RSL24D1: variants seen among roughly 807,000 people sequenced by gnomAD.
RSL24D1 encodes the protein probable ribosome biogenesis protein RLP24.
A neutral mutation model predicts 26.2 loss-of-function variants in RSL24D1; 6 were observed. That is an observed-to-expected ratio of 0.23 (90% CI 0.13 to 0.45). RSL24D1 has a LOEUF of 0.45. Among genes scored for constraint, RSL24D1 ranks in the 20% least tolerant of loss-of-function variants. The probability of loss-of-function intolerance (pLI) is 0.99; values close to 1 mark genes in which losing one functional copy is unlikely to be tolerated. For synonymous variants in RSL24D1, 61 were observed against 59.1 expected (o/e 1.03, Z -0.15); for missense variants, 176 against 202.6 (o/e 0.87, Z 0.80).
chr15:55,183,860 G>C (rs115667597), intron 4 of RSL24D1, among the ~76,000 whole-genome samples: 1 of 152,078 alleles, frequency 6.6e-6, no homozygotes, highest in Non-Finnish European at 1.5e-5. Flanking sequence ...CACGAAATGG[G>C]AGCTCAATAC....
rs1894189012 is a variant in RSL24D1 at position 55,183,238 on chromosome 15, T to C, written c.418+77A>G. On this transcript the variant is annotated intron_variant, in intron 5 of 5. Transcript: ENST00000260443. ...AATTTACTATGAAAGATAATATTTA[T>C]AGGAAAAAATACCCAAAGTTAGTTG... is the stretch of plus-strand genomic sequence containing the variant. 4 of 963,834 alleles carry C rather than the reference T, an allele frequency of 4.2e-6. No individual in the cohort carries two copies. The South Asian group carries it at 4.6e-5, about 11-fold the overall frequency. 59.7% of individuals were successfully genotyped at this position (963,834 alleles called of 1,614,324 possible). A position where few individuals can be genotyped will look rare whatever the true frequency, so the allele number is the denominator to read the frequency against.
chr15:55,192,657 T>C lies in RSL24D1; in HGVS notation c.195+63A>G, dbSNP rs761776156. 23 of 1,134,904 alleles carry C rather than the reference T, an allele frequency of 2.0e-5. 1 individual carries two copies. The Admixed American group carries it at 2.0e-4, about 10-fold the overall frequency. 70.3% of individuals were successfully genotyped at this position (1,134,904 alleles called of 1,614,324 possible). A position where few individuals can be genotyped will look rare whatever the true frequency, so the allele number is the denominator to read the frequency against. ...TTGTTATGATTGATTAGATGACATA[T>C]ACCCTTCAAATACTAAAACTGTGAA... On this transcript the variant is annotated intron_variant, in intron 2 of 5. Transcript: ENST00000260443.
At chr15:55,186,471 A>T (rs1595651577) in intron 3 of RSL24D1, among the ~76,000 whole-genome samples, 1 of 152,164 alleles carries the variant, frequency 6.6e-6, no homozygotes, top group Non-Finnish European at 1.5e-5. Context: ...ACACTGAAAA[A>T]ACTCAGCATC....
At chr15:55,196,752 C>T in intron 1 of RSL24D1, 58 bp downstream of exon 1, 1 of 1,567,706 alleles carries the variant, frequency 6.4e-7, no homozygotes, top group Non-Finnish European at 8.8e-7. Context: ...CACCGAGCCG[C>T]CGCGCCCAGG....
In RSL24D1 at chr15:55,192,897, C is replaced by T. The variant is rs1465230009; in HGVS notation, c.82-64G>A. On this transcript the variant is annotated intron_variant, in intron 1 of 5. Transcript: ENST00000260443. The stretch of plus-strand genomic sequence containing the variant: ...AAACTTTTCTATCACAAGACGTTAC[C>T]CCTGCTAGACAAAAAATACTTTCCC... 5 of 996,802 alleles carry T rather than the reference C, an allele frequency of 5.0e-6. No individual in the cohort carries two copies. In the East Asian group the frequency reaches 7.2e-5, roughly 14 times the overall value. The allele number at this position is 996,802 out of a possible 1,614,324, so 61.7% of individuals were successfully genotyped here.
chr15:55,196,683 C>A (rs1894362294), intron 1 of RSL24D1, 127 bp downstream of exon 1: 1 of 846,452 alleles, frequency 1.2e-6, no homozygotes, highest in Non-Finnish European at 1.9e-6. Flanking sequence ...TTAAGCCACC[C>A]TCCCAGGGGA....
intron 1 of RSL24D1, 36 bp downstream of exon 1, chr15:55,196,774 C>A: frequency 6.2e-7 from 1 of 1,608,502 alleles, no homozygotes; most frequent in South Asian, 1.1e-5. Flanking sequence ...ACCGCGGGAG[C>A]TAGGCTGAAG....
Position 55,182,104 on chromosome 15 carries a change from C to A in RSL24D1, c.*48G>T, listed in dbSNP as rs1894173760. The A allele has an allele frequency of 8.7e-7, 1 of 1,155,596 alleles. No individual in the cohort carries two copies. The highest frequency in any genetic ancestry group is 1.5e-5 in the African/African-American group (1 of 65,302). 71.6% of individuals were successfully genotyped at this position (1,155,596 alleles called of 1,614,324 possible). A position where few individuals can be genotyped will look rare whatever the true frequency, so the allele number is the denominator to read the frequency against. ...AAAATAATTTAGCAGTTCCAAGTAT[C>A]CAAAGGGCATTTTCAAATGTACATA... On this transcript the variant is annotated 3_prime_UTR_variant, in exon 6 of 6. Coordinates refer to ENST00000260443, the MANE Select transcript of RSL24D1 (RefSeq NM_016304.3).
Position 55,191,040 on chromosome 15 carries a change from G to C in RSL24D1, c.203C>G (p.Ser68Ter), listed in dbSNP as rs1310796598. The change falls in exon 3 of 6, where the codon TCA (serine) becomes TGA (stop). Residue 68 changes from serine to a stop codon, truncating the protein, a stop_gained. Coordinates refer to ENST00000260443, the MANE Select transcript of RSL24D1 (RefSeq NM_016304.3). LOFTEE classifies it high-confidence loss of function. Reference sequence around the variant, plus strand: ...ATTTCTACGTTTTTCAAATTCAAATGAATTATCCTGTAAGAGGGAACAGAG... The same window carrying C: ...ATTTCTACGTTTTTCAAATTCAAATCAATTATCCTGTAAGAGGGAACAGAG... ...AAGKELTVDN[S>*]FEFEKRRNEP... 6.3e-7 allele frequency: 1 copy of C among 1,599,874 alleles called. No individual in the cohort carries two copies.
chr15:55,186,589 C>T (rs373345928), intron 3 of RSL24D1, among the ~76,000 whole-genome samples: 3 of 152,228 alleles, frequency 2.0e-5, no homozygotes, highest in East Asian at 1.9e-4. Context: ...CCATATTGTT[C>T]TAAACTGTCA....
chr15:55,189,840 T>A (rs1400391852), intron 3 of RSL24D1, among the ~76,000 whole-genome samples: 1 of 152,156 alleles, frequency 6.6e-6, no homozygotes, highest in African/African-American at 2.4e-5. Flanking sequence ...AGCAGAGTAA[T>A]AAAGTTTGTG....
At chr15:55,194,535 C>A (rs1039611608) in intron 1 of RSL24D1, among the ~76,000 whole-genome samples, 3 of 152,134 alleles carry the variant, frequency 2.0e-5, no homozygotes, top group African/African-American at 7.2e-5. Flanking sequence ...AACATGCTAA[C>A]AAATGATCCC....
intron 4 of RSL24D1, among the ~76,000 whole-genome samples, chr15:55,184,760 G>C (rs1894206046): frequency 6.6e-6 from 1 of 152,088 alleles, no homozygotes; most frequent in Non-Finnish European, 1.5e-5. Context: ...GACATCATGT[G>C]CTTCCCGATA....
intron 1 of RSL24D1, 161 bp downstream of exon 1, chr15:55,196,649 G>A (rs921158427): frequency 4.6e-6 from 3 of 651,132 alleles, no homozygotes; most frequent in African/African-American, 3.6e-5. Context: ...CCCCCGAAGC[G>A]GAACGTTGAG....
chr15:55,194,485 T>C (rs1288399967), intron 1 of RSL24D1: 1 of 152,180 alleles, frequency 6.6e-6, no homozygotes, highest in South Asian at 2.1e-4. Flanking sequence ...CAAAGCTTTA[T>C]GGTTTCAAGT....
intron 3 of RSL24D1, among the ~76,000 whole-genome samples, chr15:55,189,086 G>GGGA (rs1457526005): frequency 6.6e-6 from 1 of 151,688 alleles, no homozygotes; most frequent in African/African-American, 2.4e-5. Context: ...CCAGCTACTC[G>GGGA]GGAGGCTGAG....
intron 3 of RSL24D1, among the ~76,000 whole-genome samples, chr15:55,187,326 A>G (rs1894234936): frequency 6.6e-6 from 1 of 152,234 alleles, no homozygotes; most frequent in Admixed American, 6.5e-5. Flanking sequence ...ACTCAAAAGC[A>G]TTTCCACACT....
chr15:55,190,683 C>G (rs920919038), intron 3 of RSL24D1, among the ~76,000 whole-genome samples: 1 of 151,936 alleles, frequency 6.6e-6, no homozygotes, highest in Non-Finnish European at 1.5e-5. Context: ...CAGTATTTTC[C>G]GTCTCTATTT....
chr15:55,196,777 G>C (rs1363702131), intron 1 of RSL24D1, 33 bp downstream of exon 1: 3 of 1,609,586 alleles, frequency 1.9e-6, no homozygotes, highest in Admixed American at 1.7e-5. Context: ...GCGGGAGCTA[G>C]GCTGAAGCAA....
Sources: gnomAD v4.1 joint callset for allele counts (sites outside exome capture counted in the v4.1 genomes callset) on GRCh38, gnomAD v4.1.1 for gene constraint, MANE v1.5 for transcripts, NCBI Gene and HGNC (gene_info 2026-07-23, HGNC 2026-07-21) for gene names.